The following ST6GALNAC3 variants were observed in gnomAD, a reference collection of about 807,000 sequenced individuals.
The protein encoded by ST6GALNAC3 is alpha-N-acetylgalactosaminide alpha-2,6-sialyltransferase 3.
Under a neutral mutation model 32.7 loss-of-function variants are expected in ST6GALNAC3, and 25 were observed. The ratio of observed to expected loss-of-function variants is 0.76; its 90% CI spans 0.56 to 1.07. ST6GALNAC3 has a LOEUF of 1.07. ST6GALNAC3 is among the 50% of genes least tolerant of loss of function. The probability of loss-of-function intolerance (pLI) is 0.00; values close to 1 mark genes in which losing one functional copy is unlikely to be tolerated. For synonymous variants in ST6GALNAC3, 129 were observed against 133.1 expected, an observed-to-expected ratio of 0.97 and a Z score of 0.21; for missense variants, 355 against 382.4, an observed-to-expected ratio of 0.93 and a Z score of 0.60.
intron 3 of ST6GALNAC3, among the ~76,000 whole-genome samples, chr1:76,521,887 G>A (rs1211795784): frequency 6.6e-6 from 1 of 151,988 alleles, no homozygotes; most frequent in African/African-American, 2.4e-5. Flanking sequence ...TGGGCAACAC[G>A]GTGAAACCCC....
At chr1:76,100,810 T>C (rs1647206591) in intron 1 of ST6GALNAC3, among the ~76,000 whole-genome samples, 1 of 152,102 alleles carries the variant, frequency 6.6e-6, no homozygotes, top group Non-Finnish European at 1.5e-5. Flanking sequence ...GTTTTTTTTT[T>C]TTTCCTTTGT....
At chr1:76,429,562 A>G (rs578208346) in intron 3 of ST6GALNAC3, among the ~76,000 whole-genome samples, 2 of 152,282 alleles carry the variant, frequency 1.3e-5, no homozygotes, top group African/African-American at 4.8e-5. Context: ...TAGAAAAATC[A>G]TTACATACAT....
Position 76,248,133 on chromosome 1 carries a change from G to A in ST6GALNAC3, c.19-65672G>A, listed in dbSNP as rs570126698. ...CCCTGCTTCTGCTCACTCTCTGTGG[G>A]TTGCACCCACTGCCTAACCAGACCC... On this transcript the variant is annotated intron_variant, in intron 1 of 4. Transcript: ENST00000328299. Among the ~76,000 whole-genome samples the A allele has an allele frequency of 1.2e-4, 18 of 152,184 alleles. 1 individual carries two copies. The South Asian group carries it at 2.9e-3, about 25-fold the overall frequency.
chr1:76,315,498 ATTAG>A (rs1379414050), intron 2 of ST6GALNAC3, among the ~76,000 whole-genome samples: 2 of 152,176 alleles, frequency 1.3e-5, no homozygotes, highest in East Asian at 3.8e-4. Context: ...CAGTTATTTA[ATTAG>A]TTCTATTAAC....
intron 1 of ST6GALNAC3, among the ~76,000 whole-genome samples, chr1:76,166,835 T>G (rs1396088019): frequency 6.6e-6 from 1 of 152,170 alleles, no homozygotes; most frequent in Non-Finnish European, 1.5e-5. Flanking sequence ...ATGTTAGTGA[T>G]TTTTGTGCAT....
At chr1:76,224,589 C>T (rs116840490) in intron 1 of ST6GALNAC3, among the ~76,000 whole-genome samples, 2,303 of 152,228 alleles carry the variant, frequency 0.015, 74 homozygotes, top group African/African-American at 0.053. Context: ...ATTCTTTCTT[C>T]AACACAGAGT....
chr1:76,238,492 A>G (rs1656782836), intron 1 of ST6GALNAC3, among the ~76,000 whole-genome samples: 1 of 152,194 alleles, frequency 6.6e-6, no homozygotes, highest in East Asian at 1.9e-4. Flanking sequence ...TTTTCCCGCT[A>G]TGCCCAGGGC....
intron 1 of ST6GALNAC3, among the ~76,000 whole-genome samples, chr1:76,279,598 G>A (rs905894885): frequency 6.6e-6 from 1 of 152,200 alleles, no homozygotes; most frequent in African/African-American, 2.4e-5. Context: ...CCATAATCAC[G>A]TGAGTGCAGC....
chr1:76,470,112 G>T (rs1172549399), intron 3 of ST6GALNAC3, among the ~76,000 whole-genome samples: 1 of 151,990 alleles, frequency 6.6e-6, no homozygotes, highest in African/African-American at 2.4e-5. Context: ...TGATACACCA[G>T]GGCCAACACT....
intron 2 of ST6GALNAC3, among the ~76,000 whole-genome samples, chr1:76,378,131 T>C (rs976568555): frequency 6.6e-6 from 1 of 152,106 alleles, no homozygotes; most frequent in Non-Finnish European, 1.5e-5. Flanking sequence ...ATTTGGTATG[T>C]GAAGTAGCAG....
At chr1:76,513,387 G>A (rs1202744986) in intron 3 of ST6GALNAC3, among the ~76,000 whole-genome samples, 3 of 152,080 alleles carry the variant, frequency 2.0e-5, no homozygotes, top group African/African-American at 7.2e-5. Context: ...TTAAAACACT[G>A]TCTTTTCTAT....
At chr1:76,531,900 C>G (rs1397735975) in intron 3 of ST6GALNAC3, among the ~76,000 whole-genome samples, 1 of 152,076 alleles carries the variant, frequency 6.6e-6, no homozygotes, top group Non-Finnish European at 1.5e-5. Context: ...TCAGAGACAT[C>G]CTGGGGCATG....
intron 1 of ST6GALNAC3, among the ~76,000 whole-genome samples, chr1:76,164,041 C>T (rs922056642): frequency 6.6e-6 from 1 of 152,146 alleles, no homozygotes; most frequent in Non-Finnish European, 1.5e-5. Flanking sequence ...CCCTCCTACC[C>T]TAGTTCTAAG....
At chr1:76,626,136 T>G (rs1274537283) in intron 3 of ST6GALNAC3, among the ~76,000 whole-genome samples, 1 of 151,860 alleles carries the variant, frequency 6.6e-6, no homozygotes, top group African/African-American at 2.4e-5. Flanking sequence ...CTCCTAATTA[T>G]AGCACACTGA....
At chr1:76,287,333 T>A (rs1659836944) in intron 1 of ST6GALNAC3, among the ~76,000 whole-genome samples, 1 of 152,262 alleles carries the variant, frequency 6.6e-6, no homozygotes, top group South Asian at 2.1e-4. Flanking sequence ...ATAAGAGCAG[T>A]TGAAGTTATT....
At chr1:76,219,989 G>A (rs942010080) in intron 1 of ST6GALNAC3, among the ~76,000 whole-genome samples, 1 of 152,166 alleles carries the variant, frequency 6.6e-6, no homozygotes, top group African/African-American at 2.4e-5. Context: ...TGGTGAATGA[G>A]AAGGAGGCTT....
intron 1 of ST6GALNAC3, among the ~76,000 whole-genome samples, chr1:76,212,992 A>G (rs1321284641): frequency 6.6e-6 from 1 of 152,220 alleles, no homozygotes; most frequent in Non-Finnish European, 1.5e-5. Context: ...TTTACTGCAT[A>G]TGCTTGAAAC....
chr1:76,548,552 T>C (rs1664433388), intron 3 of ST6GALNAC3, among the ~76,000 whole-genome samples: 1 of 152,152 alleles, frequency 6.6e-6, no homozygotes. Context: ...GAGCATAAAG[T>C]CTTTCTTACG....
chr1:76,249,364 TTTTATTTTAATTTTGTGA>T (rs1657483080), intron 1 of ST6GALNAC3, among the ~76,000 whole-genome samples: 1 of 152,212 alleles, frequency 6.6e-6, no homozygotes, highest in Admixed American at 6.5e-5. Context: ...ACTTTTGATT[TTTTATTTTAATTTTGTGA>T]TTTTGTGACT....
Sources: gnomAD v4.1 joint callset for allele counts (sites outside exome capture counted in the v4.1 genomes callset) on GRCh38, gnomAD v4.1.1 for gene constraint, MANE v1.5 for transcripts, NCBI Gene and HGNC (gene_info 2026-07-23, HGNC 2026-07-21) for gene names.